CELA3B: variants seen among roughly 807,000 people sequenced by gnomAD.
CELA3B encodes the protein chymotrypsin like elastase 3B, also known as chymotrypsin-like elastase family member 3B.
CELA3B carries 34 observed loss-of-function variants against 37.2 expected under a neutral mutation model. The observed-to-expected ratio is 0.91, with a 90% CI of 0.70 to 1.22. The LOEUF (loss-of-function observed/expected upper bound fraction) is 1.22. Ranked by LOEUF, CELA3B falls within the 50% of genes most tolerant of loss-of-function variation. The pLI is 0.00. For synonymous variants in CELA3B, 127 were observed against 143.5 expected (o/e 0.89, Z 0.82); for missense variants, 340 against 363.1 (o/e 0.94, Z 0.52).
At chr1:21,985,960 G>T (rs1242797084) in intron 6 of CELA3B, among the ~76,000 whole-genome samples, 1 of 99,804 alleles carries the variant, frequency 1.0e-5, no homozygotes, top group Admixed American at 1.2e-4. Context: ...TAACTATGGT[G>T]CTACTAATAA....
chr1:21,983,821 C>G lies in CELA3B; in HGVS notation c.490C>G (p.Arg164Gly). The G allele has an allele frequency of 6.2e-7, 1 of 1,614,024 alleles. No individual in the cohort carries two copies. The highest frequency in any genetic ancestry group is 1.1e-5 in the South Asian group (1 of 91,050). ...ETPCYITGWG[R>G]LYTNGPLPDK... ...ACCCTGCTACATCACCGGCTGGGGC[C>G]GTCTCTATAGTACGTGCTGACTTCT... Residue 164 changes from arginine to glycine, a missense_variant, in exon 5 of 8, where the codon CGT (arginine) becomes GGT (glycine). Arg to Gly is a moderately radical substitution (Grantham distance 125). Coordinates refer to ENST00000337107, the MANE Select transcript of CELA3B (RefSeq NM_007352.4).
In CELA3B at chr1:21,978,452, C is replaced by A; in HGVS notation, c.127C>A (p.Gln43Lys). ...EDAVPYSWPWQVSLQYEKSGS... is the reference protein window; with the variant it reads ...EDAVPYSWPWKVSLQYEKSGS... ...TGCGGTCCCCTACAGCTGGCCCTGG[C>A]AGGTAAGAGCAATAGCAGCTGCCCT... The change falls in exon 2 of 8, where the codon CAG becomes AAG. Residue 43 changes from glutamine to lysine, a missense_variant and splice_region_variant. By Grantham distance (53) the Gln-to-Lys change is moderately conservative. Transcript: ENST00000337107. 1 of 1,614,032 alleles carries A rather than the reference C, an allele frequency of 6.2e-7. No individual in the cohort carries two copies. Among genetic ancestry groups the A allele is most frequent in the Non-Finnish European group, 8.5e-7 (1 of 1,179,930 alleles).
At chr1:21,997,455 A>G (rs540090744) in intron 4 of CELA3B, among the ~76,000 whole-genome samples, 1 of 150,744 alleles carries the variant, frequency 6.6e-6, no homozygotes, top group African/African-American at 2.5e-5. Context: ...TGGGAGGCCA[A>G]GGTGGGTGGA....
At chr1:21,985,508 G>A (rs1176908697) in intron 6 of CELA3B, among the ~76,000 whole-genome samples, 1 of 151,798 alleles carries the variant, frequency 6.6e-6, no homozygotes, top group African/African-American at 2.4e-5. Context: ...TAACTCTTGG[G>A]CTCAAGTGAT....
downstream of CELA3B, among the ~76,000 whole-genome samples, chr1:21,992,252 G>T (rs1644871837): frequency 6.6e-6 from 1 of 151,648 alleles, no homozygotes; most frequent in South Asian, 2.1e-4. Context: ...TTACTGCTGG[G>T]CATGGTGGCA....
At chr1:21,995,538 C>T (rs1644887120) in intron 4 of CELA3B, among the ~76,000 whole-genome samples, 1 of 151,150 alleles carries the variant, frequency 6.6e-6, no homozygotes, top group South Asian at 2.1e-4. Context: ...TGATTTCTGG[C>T]TGTGGCAGAA....
At position 21,984,317 on chromosome 1, in the gene CELA3B, C is replaced by T. The variant is rs747927802; in HGVS notation, c.628C>T (p.Arg210Cys). 23 of 1,613,428 alleles carry T rather than the reference C, an allele frequency of 1.4e-5. No homozygotes were observed. Among genetic ancestry groups the T allele is most frequent in the Admixed American group, 3.3e-5 (2 of 59,944 alleles). ...KTMVCAGGDI[R>C]SGCNGDSGGP... ...CATGGTGTGTGCTGGAGGGGACATC[C>T]GCTCCGGCTGCAATGTGAGTCAGCT... The change falls in exon 6 of 8, where the codon CGC becomes TGC. Residue 210 changes from arginine to cysteine, a missense_variant. Arg to Cys is a radical substitution (Grantham distance 180). Transcript: ENST00000337107.
At position 21,984,187 on chromosome 1, in the gene CELA3B, A is replaced by T. The variant is rs1644823673; in HGVS notation, c.500-2A>T. On this transcript the variant is annotated splice_acceptor_variant, in intron 5 of 7. Transcript: ENST00000337107. LOFTEE classifies it high-confidence loss of function. ...CTGACTCGGTGCTTTTTATCGCTGCAGCCAACGGGCCACTCCCAGACAAGC... is the reference window on the plus strand; with the variant it reads ...CTGACTCGGTGCTTTTTATCGCTGCTGCCAACGGGCCACTCCCAGACAAGC... The T allele has an allele frequency of 6.2e-7, 1 of 1,612,354 alleles. No individual in the cohort carries two copies. The highest frequency in any genetic ancestry group is 1.1e-5 in the South Asian group (1 of 90,890).
intron 7 of CELA3B, among the ~76,000 whole-genome samples, chr1:21,988,219 AAAACAAAC>A (rs557132125): frequency 9.0e-5 from 13 of 143,990 alleles, no homozygotes. Context: ...CTCAAAAACA[AAAACAAAC>A]AAACAAACAA....
intron 2 of CELA3B, 108 bp from the exon 3 acceptor site, chr1:21,980,716 G>A (rs1235136363): frequency 1.2e-6 from 1 of 803,704 alleles, no homozygotes; most frequent in Non-Finnish European, 2.0e-6. Flanking sequence ...TGTTTTCCGT[G>A]TGAATGGCGC....
At chr1:21,983,613 G>T in intron 4 of CELA3B, 81 bp from the exon 5 acceptor site, 1 of 1,575,052 alleles carries the variant, frequency 6.3e-7, no homozygotes, top group South Asian at 1.2e-5. Flanking sequence ...CTCAGAGGCG[G>T]AATAGCCTGG....
chr1:21,981,868 G>T (rs1490909942), intron 4 of CELA3B, among the ~76,000 whole-genome samples: 1 of 151,986 alleles, frequency 6.6e-6, no homozygotes, highest in Non-Finnish European at 1.5e-5. Context: ...TGGGACTACA[G>T]GCGCCCGCCA....
intron 4 of CELA3B, among the ~76,000 whole-genome samples, chr1:21,981,960 C>T (rs146873788): frequency 0.015 from 2,352 of 152,084 alleles, 69 homozygotes; most frequent in African/African-American, 0.054. Flanking sequence ...CTCCTGACCT[C>T]GTGATCTGCC....
At position 21,986,705 on chromosome 1, in the gene CELA3B, G is replaced by A. The variant is rs10917100; in HGVS notation, c.795+22G>A. 3.0e-3 allele frequency: 4,850 copies of A among 1,605,788 alleles called. 84 individuals are homozygous for A. In the African/African-American group the frequency reaches 0.044, roughly 14 times the overall value. Reference sequence around the variant, plus strand: ...GGAGGTGAGGAGGGCAGGGCGGCCCGGAGGGCTTTAGGGTGGTGGCTCTTC... The same window carrying A: ...GGAGGTGAGGAGGGCAGGGCGGCCCAGAGGGCTTTAGGGTGGTGGCTCTTC... On this transcript the variant is annotated intron_variant, in intron 7 of 7. Coordinates refer to ENST00000337107, the MANE Select transcript of CELA3B (RefSeq NM_007352.4).
At chr1:21,995,737 G>A (rs997003970) in intron 4 of CELA3B, among the ~76,000 whole-genome samples, 1 of 147,620 alleles carries the variant, frequency 6.8e-6, no homozygotes, top group African/African-American at 2.6e-5. Flanking sequence ...TCACAAACTG[G>A]GTGGCTTAAA....
intron 2 of CELA3B, among the ~76,000 whole-genome samples, chr1:21,979,679 T>C (rs1223713178): frequency 6.6e-6 from 1 of 151,172 alleles, no homozygotes; most frequent in Non-Finnish European, 1.5e-5. Context: ...GCCTCGAACT[T>C]CTGAGCTCCA....
intron 7 of CELA3B, 76 bp downstream of exon 7, chr1:21,986,759 T>C: frequency 2.0e-6 from 3 of 1,507,898 alleles, no homozygotes; most frequent in Non-Finnish European, 2.7e-6. Context: ...AAACATCGGA[T>C]CCTGGGGAGG....
intron 6 of CELA3B, among the ~76,000 whole-genome samples, chr1:21,986,058 G>C (rs2152816718): frequency 7.6e-6 from 1 of 131,986 alleles, no homozygotes; most frequent in South Asian, 2.8e-4. Flanking sequence ...CTCTTGGACA[G>C]ATACTACTAT....
chr1:21,978,446 C>A lies in CELA3B; in HGVS notation c.121C>A (p.Pro41Thr). 1.9e-6 allele frequency: 3 copies of A among 1,614,074 alleles called. No homozygotes were observed. Among genetic ancestry groups the A allele is most frequent in the South Asian group, 2.2e-5 (2 of 91,068 alleles). ...NGEDAVPYSW[P>T]WQVSLQYEKS... ...TGAGGATGCGGTCCCCTACAGCTGG[C>A]CCTGGCAGGTAAGAGCAATAGCAGC... The change falls in exon 2 of 8, where the codon CCC becomes ACC. Residue 41 changes from proline (P) to threonine (T), a missense_variant. Physicochemically the swap from Pro to Thr is conservative, Grantham distance 38. Transcript: ENST00000337107.
Sources: gnomAD v4.1 joint callset for allele counts (sites outside exome capture counted in the v4.1 genomes callset) on GRCh38, gnomAD v4.1.1 for gene constraint, MANE v1.5 for transcripts, NCBI Gene and HGNC (gene_info 2026-07-23, HGNC 2026-07-21) for gene names.